PDGFD: variants seen among roughly 807,000 people sequenced by gnomAD.
PDGFD encodes the protein platelet derived growth factor D.
A neutral mutation model predicts 44.7 loss-of-function variants in PDGFD; 30 were observed. The observed-to-expected ratio is 0.67, with a 90% CI of 0.50 to 0.91. The LOEUF (loss-of-function observed/expected upper bound fraction) is 0.91, where lower values mean the gene tolerates loss of function less well. Among genes scored for constraint, PDGFD ranks in the 40% least tolerant of loss-of-function variants. The probability of loss-of-function intolerance (pLI) is 0.00; values close to 1 mark genes in which losing one functional copy is unlikely to be tolerated. For missense variants in PDGFD, 445 were observed against 457.8 expected (o/e 0.97, Z 0.25); for synonymous variants, 173 against 168.4 (o/e 1.03, Z -0.21).
chr11:104,126,853 G>GAAA (rs34656428), intron 1 of PDGFD, among the ~76,000 whole-genome samples: 1 of 150,934 alleles, frequency 6.6e-6, no homozygotes, highest in African/African-American at 2.4e-5. Context: ...CTCCAATTTA[G>GAAA]AAAAAAAAAT....
intron 2 of PDGFD, among the ~76,000 whole-genome samples, chr11:103,997,057 T>C (rs1334551156): frequency 6.6e-6 from 1 of 152,216 alleles, no homozygotes; most frequent in Non-Finnish European, 1.5e-5. Flanking sequence ...TAGTAGGAGA[T>C]CCTCAGTAAC....
chr11:104,131,583 G>A (rs1056721839), intron 1 of PDGFD, among the ~76,000 whole-genome samples: 5 of 151,874 alleles, frequency 3.3e-5, no homozygotes, highest in East Asian at 1.9e-4. Flanking sequence ...ATTCCAAAAC[G>A]TATTCATTAA....
intron 1 of PDGFD, among the ~76,000 whole-genome samples, chr11:104,058,710 C>G (rs939072991): frequency 4.6e-5 from 7 of 152,152 alleles, no homozygotes; most frequent in Non-Finnish European, 1.0e-4. Flanking sequence ...TCCGTAATAA[C>G]TAAAAACCAG....
chr11:104,129,730 T>C (rs7395462), intron 1 of PDGFD, among the ~76,000 whole-genome samples: 13,739 of 152,092 alleles, frequency 0.09, 713 homozygotes, highest in East Asian at 0.24. Context: ...GATAACAGGC[T>C]GGGTGCAGTG....
intron 1 of PDGFD, among the ~76,000 whole-genome samples, chr11:104,106,845 G>A (rs1861478059): frequency 6.6e-6 from 1 of 151,500 alleles, no homozygotes; most frequent in African/African-American, 2.4e-5. Context: ...CCGAGTTCAA[G>A]CAATTTGCCC....
At chr11:104,021,799 A>G (rs1380887949) in intron 1 of PDGFD, among the ~76,000 whole-genome samples, 5 of 152,294 alleles carry the variant, frequency 3.3e-5, no homozygotes, top group Middle Eastern at 6.8e-3. Context: ...ACATTAGAAC[A>G]GCACCTTCCA....
intron 5 of PDGFD, among the ~76,000 whole-genome samples, chr11:103,929,877 A>G (rs1459106056): frequency 6.6e-6 from 1 of 152,130 alleles, no homozygotes; most frequent in Admixed American, 6.5e-5. Context: ...TAGAAGGAGA[A>G]TTCTAGAGTG....
At chr11:104,161,215 A>G (rs1218025633) in intron 1 of PDGFD, among the ~76,000 whole-genome samples, 1 of 152,198 alleles carries the variant, frequency 6.6e-6, no homozygotes, top group Non-Finnish European at 1.5e-5. Flanking sequence ...CAGGTCTTCT[A>G]AAGACCCTAA....
chr11:104,146,545 G>C (rs1862165005), intron 1 of PDGFD, among the ~76,000 whole-genome samples: 1 of 152,098 alleles, frequency 6.6e-6, no homozygotes. Context: ...CCAGATTTTT[G>C]TAGTCTAACA....
At position 103,972,303 on chromosome 11, in the gene PDGFD, A is replaced by G. The variant is rs1383067136; in HGVS notation, c.510+23762T>C. 2.6e-5 allele frequency among the ~76,000 whole-genome samples: 4 copies of G among 152,240 alleles called. No individual in the cohort carries two copies. In the East Asian group the frequency reaches 5.8e-4, roughly 22 times the overall value. The stretch of plus-strand genomic sequence containing the variant: ...CATCCATCCTTACCCCCACATTGTG[A>G]CAACCAAAACTGTTTCCAGATATTG... On this transcript the variant is annotated intron_variant, in intron 3 of 6. Transcript: ENST00000393158.
In PDGFD at chr11:103,947,662, TGAA is replaced by T. The variant is rs1244219625; in HGVS notation, c.570_572del (p.Ser191del). The T allele has an allele frequency of 1.2e-6, 2 of 1,612,638 alleles. No homozygotes were observed. Among genetic ancestry groups the T allele is most frequent in the Non-Finnish European group, 1.7e-6 (2 of 1,178,752 alleles). Reference sequence around the variant, plus strand: ...GGCAACAGAGTAATAAATTACTTACTGAAATAGAGCTTGTGACAGATTCCCAGT... The same window carrying T: ...GGCAACAGAGTAATAAATTACTTACTATAGAGCTTGTGACAGATTCCCAGT... On this transcript the variant is annotated inframe_deletion and splice_region_variant, in exon 4 of 7. Coordinates refer to ENST00000393158, the MANE Select transcript of PDGFD (RefSeq NM_025208.5).
intron 1 of PDGFD, among the ~76,000 whole-genome samples, chr11:104,130,679 C>T (rs1485504974): frequency 1.3e-5 from 2 of 152,134 alleles, no homozygotes; most frequent in African/African-American, 4.8e-5. Context: ...CTTGAATACC[C>T]TTCTTAGAGC....
intron 3 of PDGFD, among the ~76,000 whole-genome samples, chr11:103,960,406 T>C (rs899683133): frequency 2.0e-5 from 3 of 152,196 alleles, no homozygotes; most frequent in Admixed American, 1.3e-4. Flanking sequence ...TATTTACTTA[T>C]GTATTTATTT....
intron 1 of PDGFD, among the ~76,000 whole-genome samples, chr11:104,048,184 C>G (rs1860473366): frequency 6.6e-6 from 1 of 152,026 alleles, no homozygotes; most frequent in African/African-American, 2.4e-5. Context: ...TTCAAAAGCT[C>G]TCAACGAGGA....
rs1215526596 is a variant in PDGFD at position 104,151,987 on chromosome 11, C to CTATGTT, written c.124+11811_124+11816dup. Among the ~76,000 whole-genome samples, 9 of 151,924 alleles carry CTATGTT rather than the reference C, an allele frequency of 5.9e-5. No homozygotes were observed. In the East Asian group the frequency reaches 1.7e-3, roughly 29 times the overall value. On this transcript the variant is annotated intron_variant, in intron 1 of 6. Transcript: ENST00000393158. ...GGCACTCACATGGCACTGCCTTGCC[C>CTATGTT]TATGTTTATTCACATATGTGTTTTC...
At chr11:104,111,382 C>T (rs1242099717) in intron 1 of PDGFD, among the ~76,000 whole-genome samples, 1 of 151,608 alleles carries the variant, frequency 6.6e-6, no homozygotes, top group Non-Finnish European at 1.5e-5. Context: ...CCCAACTCAG[C>T]CTCCAGAGAA....
intron 1 of PDGFD, among the ~76,000 whole-genome samples, chr11:104,057,563 C>T (rs113469792): frequency 7.9e-5 from 12 of 152,186 alleles, no homozygotes; most frequent in African/African-American, 2.6e-4. Flanking sequence ...GAAAAACTGA[C>T]CACCCGGCAC....
chr11:104,034,655 T>G (rs1860190039), intron 1 of PDGFD, among the ~76,000 whole-genome samples: 1 of 151,958 alleles, frequency 6.6e-6, no homozygotes. Flanking sequence ...CTTTTTTTTT[T>G]TTTTTGAGAT....
At chr11:103,981,602 C>G (rs1346616456) in intron 3 of PDGFD, among the ~76,000 whole-genome samples, 3 of 151,776 alleles carry the variant, frequency 2.0e-5, no homozygotes, top group African/African-American at 7.3e-5. Context: ...TTAATTGACA[C>G]TCTAGATCTC....
Sources: allele counts gnomAD v4.1 joint callset (sites outside exome capture counted in the v4.1 genomes callset), GRCh38; gene constraint gnomAD v4.1.1; transcripts MANE v1.5; gene names NCBI Gene and HGNC (gene_info 2026-07-23, HGNC 2026-07-21).